RYR3: variants seen among roughly 807,000 people sequenced by gnomAD.
RYR3 encodes the protein brain ryanodine receptor-calcium release channel.
Under a neutral mutation model 584.3 loss-of-function variants are expected in RYR3, and 207 were observed. The ratio of observed to expected loss-of-function variants is 0.35; its 90% CI spans 0.32 to 0.40. The LOEUF (loss-of-function observed/expected upper bound fraction) is 0.40. RYR3 is among the 10% of genes least tolerant of loss of function. The pLI, the probability that RYR3 is intolerant of heterozygous loss-of-function variation, is 1.00. For synonymous variants in RYR3, 2,416 were observed against 2,248.5 expected (o/e 1.07, Z -2.11); for missense variants, 5,616 against 6,089.2 (o/e 0.92, Z 2.59).
chr15:33,610,989 A>G (rs2060154037), intron 18 of RYR3, among the ~76,000 whole-genome samples: 1 of 152,184 alleles, frequency 6.6e-6, no homozygotes, highest in Non-Finnish European at 1.5e-5. Context: ...TAGATTAAGG[A>G]TGCTCAACCT....
chr15:33,396,623 C>CTGTGT (rs2141330161), intron 1 of RYR3, among the ~76,000 whole-genome samples: 1 of 152,292 alleles, frequency 6.6e-6, no homozygotes, highest in South Asian at 2.1e-4. Context: ...CTGCAGCTGC[C>CTGTGT]TGTGTACAAA....
At chr15:33,551,685 T>C (rs2056684947) in intron 10 of RYR3, among the ~76,000 whole-genome samples, 1 of 152,238 alleles carries the variant, frequency 6.6e-6, no homozygotes, top group African/African-American at 2.4e-5. Context: ...TCTGCTTCTC[T>C]TCCAATGGCT....
chr15:33,721,934 G>A (rs905533655), intron 43 of RYR3, among the ~76,000 whole-genome samples: 20 of 152,228 alleles, frequency 1.3e-4, no homozygotes, highest in Non-Finnish European at 1.5e-5. Flanking sequence ...AAAAACAAAT[G>A]CCACAGAATA....
chr15:33,486,676 T>C (rs182507474), intron 2 of RYR3, among the ~76,000 whole-genome samples: 2 of 152,244 alleles, frequency 1.3e-5, no homozygotes, highest in Admixed American at 6.5e-5. Context: ...TAGAGGGTGA[T>C]GTTGCCAGGT....
chr15:33,444,946 G>A (rs1343360806), intron 1 of RYR3, among the ~76,000 whole-genome samples: 2 of 151,890 alleles, frequency 1.3e-5, no homozygotes, highest in East Asian at 3.9e-4. Context: ...TGCCCTGAAG[G>A]GAGAATGCTG....
intron 12 of RYR3, among the ~76,000 whole-genome samples, chr15:33,575,613 T>A (rs1019083295): frequency 1.3e-5 from 2 of 151,860 alleles, no homozygotes; most frequent in Non-Finnish European, 2.9e-5. Context: ...GCAGCTAAAG[T>A]AGTATTAAGA....
chr15:33,341,819 T>C (rs192437795), intron 1 of RYR3, among the ~76,000 whole-genome samples: 1 of 150,798 alleles, frequency 6.6e-6, no homozygotes, highest in Admixed American at 6.7e-5. Flanking sequence ...AGATGTCCCT[T>C]CTTTCTGTCC....
intron 2 of RYR3, among the ~76,000 whole-genome samples, chr15:33,490,985 T>C (rs1197277060): frequency 6.6e-6 from 1 of 152,130 alleles, no homozygotes; most frequent in Admixed American, 6.6e-5. Context: ...AATGAACATA[T>C]CCATCAGTTC....
intron 1 of RYR3, among the ~76,000 whole-genome samples, chr15:33,430,198 C>T (rs541966067): frequency 2.9e-4 from 44 of 152,292 alleles, no homozygotes; most frequent in Admixed American, 2.2e-3. Context: ...TTGCAGTGAG[C>T]GAAAATGAGG....
intron 1 of RYR3, among the ~76,000 whole-genome samples, chr15:33,406,327 C>T (rs1289001307): frequency 6.6e-6 from 1 of 152,130 alleles, no homozygotes; most frequent in East Asian, 1.9e-4. Context: ...TGGCTAGCTC[C>T]CTTGGACCAA....
At position 33,785,747 on chromosome 15, in the gene RYR3, C is replaced by A; in HGVS notation, c.9354C>A (p.Ala3118=). 1.9e-6 allele frequency: 3 copies of A among 1,613,918 alleles called. No homozygotes were observed. The highest frequency in any genetic ancestry group is 2.5e-6 in the Non-Finnish European group (3 of 1,179,846). The change falls in exon 66 of 104, where the codon GCC becomes GCA. Residue 3118 remains alanine (A), a synonymous_variant. Transcript: ENST00000634891. ...EGLMKEINDL[A]ESGARYTEMP... ...TGATGAAGGAAATCAACGACCTGGC[C>A]GAGTCAGGGGCCCGGTACACAGAGA...
intron 1 of RYR3, among the ~76,000 whole-genome samples, chr15:33,406,868 T>C (rs2043056046): frequency 6.6e-6 from 1 of 151,244 alleles, no homozygotes; most frequent in South Asian, 2.1e-4. Context: ...TATTCAGATA[T>C]ATACAAGAAA....
At chr15:33,612,841 C>A (rs2060264639) in intron 18 of RYR3, among the ~76,000 whole-genome samples, 1 of 152,216 alleles carries the variant, frequency 6.6e-6, no homozygotes, top group African/African-American at 2.4e-5. Flanking sequence ...CCAGCAAAAG[C>A]AGTCTGTCTG....
At position 33,432,605 on chromosome 15, in the gene RYR3, C is replaced by CTT. The variant is rs59006387; in HGVS notation, c.52-40801_52-40800dup. Among the ~76,000 whole-genome samples, 177 of 129,088 alleles carry CTT rather than the reference C, an allele frequency of 1.4e-3. 2 individuals carry two copies. Among genetic ancestry groups the CTT allele is most frequent in the African/African-American group, 4.6e-3 (154 of 33,780 alleles). 84.7% of individuals were successfully genotyped at this position (129,088 alleles called of 152,430 possible). A position where few individuals can be genotyped will look rare whatever the true frequency, so the allele number is the denominator to read the frequency against. On this transcript the variant is annotated intron_variant, in intron 1 of 103. Transcript: ENST00000634891. ...TGTGAAGATTTTTCTTTTTTTCTTT[C>CTT]TTTTTTTTTTTTTTGAGACGGAGTA...
At chr15:33,715,946 A>C (rs2067459326) in intron 43 of RYR3, among the ~76,000 whole-genome samples, 1 of 152,202 alleles carries the variant, frequency 6.6e-6, no homozygotes, top group Non-Finnish European at 1.5e-5. Flanking sequence ...TTGAATTCTC[A>C]TCCCGAATGT....
intron 1 of RYR3, among the ~76,000 whole-genome samples, chr15:33,359,717 C>T (rs1045263660): frequency 8.6e-5 from 13 of 152,014 alleles, no homozygotes; most frequent in Non-Finnish European, 1.3e-4. Context: ...CTCCTGGGTT[C>T]ACGCCATTCT....
chr15:33,800,908 C>A, intron 68 of RYR3, 51 bp downstream of exon 68: 1 of 1,275,312 alleles, frequency 7.8e-7, no homozygotes, highest in Non-Finnish European at 1.1e-6. Context: ...AAGCTGCAGA[C>A]CGTGGAAAAC....
chr15:33,602,754 T>G (rs1317899607), intron 17 of RYR3, among the ~76,000 whole-genome samples: 1 of 108,906 alleles, frequency 9.2e-6, no homozygotes, highest in Non-Finnish European at 2.2e-5. Context: ...TTTTTTTTTT[T>G]TTTTTTTTGG....
intron 18 of RYR3, among the ~76,000 whole-genome samples, chr15:33,605,707 AG>A (rs2059873129): frequency 6.6e-6 from 1 of 152,184 alleles, no homozygotes; most frequent in South Asian, 2.1e-4. Context: ...ATCTTGCAGA[AG>A]GGATTGGAAT....
Sources: gnomAD v4.1 joint callset for allele counts (sites outside exome capture counted in the v4.1 genomes callset) on GRCh38, gnomAD v4.1.1 for gene constraint, MANE v1.5 for transcripts, NCBI Gene and HGNC (gene_info 2026-07-23, HGNC 2026-07-21) for gene names.